TMEM161B: variants seen among roughly 807,000 people sequenced by gnomAD.
The protein encoded by TMEM161B is transmembrane protein 161B.
In TMEM161B, 34 loss-of-function variants were observed where a neutral mutation model predicts 61.8. The ratio of observed to expected loss-of-function variants is 0.55; its 90% CI spans 0.42 to 0.73. TMEM161B has a LOEUF of 0.73. Ranked by LOEUF, TMEM161B falls within the 30% of genes least tolerant of loss-of-function variation. The pLI is 0.00. For missense variants in TMEM161B, 456 were observed against 558.5 expected, an observed-to-expected ratio of 0.82 and a Z score of 1.85; for synonymous variants, 167 against 192.8, an observed-to-expected ratio of 0.87 and a Z score of 1.11.
intron 3 of TMEM161B, among the ~76,000 whole-genome samples, chr5:88,228,006 G>A (rs1252461727): frequency 6.6e-6 from 1 of 152,124 alleles, no homozygotes; most frequent in Non-Finnish European, 1.5e-5. Context: ...GAGCTGATGG[G>A]ACCTACACAG....
At chr5:88,229,912 G>A (rs915025697) in intron 2 of TMEM161B, among the ~76,000 whole-genome samples, 7 of 151,538 alleles carry the variant, frequency 4.6e-5, no homozygotes, top group Non-Finnish European at 1.0e-4. Context: ...TTAAAAACAC[G>A]GCAGGCCAGG....
intron 4 of TMEM161B, among the ~76,000 whole-genome samples, chr5:88,224,301 T>C (rs1251987781): frequency 2.0e-5 from 3 of 152,178 alleles, no homozygotes; most frequent in Non-Finnish European, 4.4e-5. Flanking sequence ...TCTTCAAGGA[T>C]AGGAGTAGGG....
chr5:88,195,147 G>A lies in TMEM161B; in HGVS notation c.*1064C>T, dbSNP rs1034303322. 1.1e-4 allele frequency: 113 copies of A among 985,126 alleles called. No homozygotes were observed. Among genetic ancestry groups the A allele is most frequent in the Non-Finnish European group, 1.3e-4 (109 of 829,534 alleles). The allele number at this position is 985,126 out of a possible 1,614,324, so 61.0% of individuals were successfully genotyped here. Reference sequence around the variant, plus strand: ...TTTAATTTGGGAGAAACCATTAAGCGTCCATAAAACTTTAAATACACTCAC... The same window carrying A: ...TTTAATTTGGGAGAAACCATTAAGCATCCATAAAACTTTAAATACACTCAC... On this transcript the variant is annotated 3_prime_UTR_variant, in exon 12 of 12. Transcript: ENST00000296595.
intron 3 of TMEM161B, among the ~76,000 whole-genome samples, chr5:88,228,130 C>A (rs571808780): frequency 6.6e-6 from 1 of 152,230 alleles, no homozygotes; most frequent in East Asian, 1.9e-4. Flanking sequence ...TAACCCAAAC[C>A]AACTGACGTC....
intron 4 of TMEM161B, 141 bp downstream of exon 4, chr5:88,225,628 C>A: frequency 2.0e-6 from 1 of 495,390 alleles, no homozygotes; most frequent in South Asian, 4.0e-5. Context: ...AAATTTAATT[C>A]AAATGAAGTC....
At chr5:88,200,302 G>C (rs758897469) in intron 9 of TMEM161B, 1 of 152,002 alleles carries the variant, frequency 6.6e-6, no homozygotes, top group Non-Finnish European at 1.5e-5. Flanking sequence ...GAAAGATAAA[G>C]GCATAACATT....
rs1749437741 is a variant in TMEM161B, at chr5:88,195,296, C to T, written c.*915G>A. 1 of 890,468 alleles carries T rather than the reference C, an allele frequency of 1.1e-6. No homozygotes were observed. Among genetic ancestry groups the T allele is most frequent in the Non-Finnish European group, 1.3e-6 (1 of 744,270 alleles). 55.2% of individuals were successfully genotyped at this position (890,468 alleles called of 1,614,324 possible). The stretch of plus-strand genomic sequence containing the variant: ...CTCATTCAAGTCACTTTTTAACATA[C>T]ATTCTGCAACTTAAAATATTATAAG... On this transcript the variant is annotated 3_prime_UTR_variant, in exon 12 of 12. Coordinates refer to ENST00000296595, the MANE Select transcript of TMEM161B (RefSeq NM_153354.5).
At chr5:88,190,138 C>T (rs1181560371), downstream of TMEM161B, 1 of 700,864 alleles carries the variant, frequency 1.4e-6, no homozygotes, top group Non-Finnish European at 2.6e-6. Context: ...CACACAAGAA[C>T]TAGTAAATAC....
At position 88,206,177 on chromosome 5, in the gene TMEM161B, T is replaced by G. The variant is rs554217619; in HGVS notation, c.660-223A>C. Among the ~76,000 whole-genome samples the G allele has an allele frequency of 2.6e-5, 4 of 152,162 alleles. No individual in the cohort carries two copies. The South Asian group carries it at 8.3e-4, about 32-fold the overall frequency. On this transcript the variant is annotated intron_variant, in intron 7 of 11. Transcript: ENST00000296595. ...AGTCACAGCAACCTAACCTACACAT[T>G]CAACAGGGAATTGACATATAACTTG... is the stretch of plus-strand genomic sequence containing the variant.
In TMEM161B at chr5:88,227,042, A is replaced by G. The variant is rs1392986064; in HGVS notation, c.192-1176T>C. ...CTCAGGAGGCTGAGGTGGGAAGATC[A>G]TCTGGGCATGGTGTTGCATGCATCT... On this transcript the variant is annotated intron_variant, in intron 3 of 11. Coordinates refer to ENST00000296595, the MANE Select transcript of TMEM161B (RefSeq NM_153354.5). Among the ~76,000 whole-genome samples, 3 of 152,028 alleles carry G rather than the reference A, an allele frequency of 2.0e-5. No individual in the cohort carries two copies. The South Asian group carries it at 6.2e-4, about 32-fold the overall frequency.
chr5:88,200,588 G>T (rs1744202195), intron 9 of TMEM161B: 1 of 152,064 alleles, frequency 6.6e-6, no homozygotes, highest in South Asian at 2.1e-4. Context: ...ATGAGTTGAG[G>T]ATTTAGGATA....
chr5:88,267,215 T>C (rs1756501752), intron 1 of TMEM161B, among the ~76,000 whole-genome samples: 1 of 152,128 alleles, frequency 6.6e-6, no homozygotes, highest in African/African-American at 2.4e-5. Flanking sequence ...CTTTCTTCTG[T>C]AAAAATGGGG....
intron 5 of TMEM161B, among the ~76,000 whole-genome samples, chr5:88,208,663 ACAG>A (rs1381758153): frequency 2.0e-5 from 3 of 152,208 alleles, no homozygotes; most frequent in Non-Finnish European, 4.4e-5. Context: ...AAAACAAACA[ACAG>A]CAGCAACAAA....
intron 1 of TMEM161B, among the ~76,000 whole-genome samples, chr5:88,265,253 GAA>G (rs1480135930): frequency 6.6e-6 from 1 of 152,120 alleles, no homozygotes; most frequent in African/African-American, 2.4e-5. Context: ...AAACTCAGTT[GAA>G]GTCACCTACT....
In TMEM161B at chr5:88,260,873, T is replaced by C. The variant is rs375252120; in HGVS notation, c.3+7848A>G. Among the ~76,000 whole-genome samples the C allele has an allele frequency of 9.8e-5, 15 of 152,386 alleles. No individual in the cohort carries two copies. The East Asian group carries it at 2.3e-3, about 23-fold the overall frequency. On this transcript the variant is annotated intron_variant, in intron 1 of 11. Transcript: ENST00000296595. ...AAAGTTTAAGTTGTTTCAGGTTTTC[T>C]AAATCTTATAGTTTATAGCCAAAAC...
chr5:88,242,632 C>A (rs1389047533), intron 1 of TMEM161B, among the ~76,000 whole-genome samples: 2 of 151,734 alleles, frequency 1.3e-5, no homozygotes, highest in Non-Finnish European at 3.0e-5. Context: ...TTCTGCAAGT[C>A]TAGTTCCCCT....
chr5:88,268,749 G>A lies in TMEM161B; in HGVS notation c.-26C>T. 1 of 1,614,040 alleles carries A rather than the reference G, an allele frequency of 6.2e-7. No homozygotes were observed. The highest frequency in any genetic ancestry group is 2.2e-5 in the East Asian group (1 of 44,844). On this transcript the variant is annotated 5_prime_UTR_variant, in exon 1 of 12. Transcript: ENST00000296595. ...GGCGCCTAGGATAGGTCGTGGACCA[G>A]ACACCCTGGAGTTGCCGGGGCAGTC...
intron 2 of TMEM161B, among the ~76,000 whole-genome samples, chr5:88,231,887 G>T (rs1417647672): frequency 6.6e-6 from 1 of 152,094 alleles, no homozygotes; most frequent in African/African-American, 2.4e-5. Flanking sequence ...TCTGTTTAAA[G>T]ATATCTTATT....
Position 88,210,930 on chromosome 5 carries a change from G to C in TMEM161B, c.447-3750C>G, listed in dbSNP as rs557409097. Among the ~76,000 whole-genome samples the C allele has an allele frequency of 1.8e-3, 280 of 152,262 alleles. 1 individual carries two copies. The highest frequency in any genetic ancestry group is 6.8e-3 in the Middle Eastern group (2 of 294). Reference sequence around the variant, plus strand: ...GGAAAACATTTTCTATGAAAGACCAGATAGTAAATACTTCAGGCTTTGTGG... The same window carrying C: ...GGAAAACATTTTCTATGAAAGACCACATAGTAAATACTTCAGGCTTTGTGG... On this transcript the variant is annotated intron_variant, in intron 5 of 11. Coordinates refer to ENST00000296595, the MANE Select transcript of TMEM161B (RefSeq NM_153354.5).
Sources: gnomAD v4.1 joint callset for allele counts (sites outside exome capture counted in the v4.1 genomes callset) on GRCh38, gnomAD v4.1.1 for gene constraint, MANE v1.5 for transcripts, NCBI Gene and HGNC (gene_info 2026-07-23, HGNC 2026-07-21) for gene names.